STK3: variants seen among roughly 807,000 people sequenced by gnomAD.
The protein encoded by STK3 is serine/threonine kinase 3.
In STK3, 41 loss-of-function variants were observed where a neutral mutation model predicts 58.0. The ratio of observed to expected loss-of-function variants is 0.71; its 90% CI spans 0.55 to 0.92. The LOEUF (loss-of-function observed/expected upper bound fraction) is 0.92. Ranked by LOEUF, STK3 falls within the 40% of genes least tolerant of loss-of-function variation. The probability of loss-of-function intolerance (pLI) is 0.00; values close to 1 mark genes in which losing one functional copy is unlikely to be tolerated. For missense variants in STK3, 479 were observed against 602.7 expected, an observed-to-expected ratio of 0.79 and a Z score of 2.15; for synonymous variants, 170 against 191.0, an observed-to-expected ratio of 0.89 and a Z score of 0.91.
At chr8:98,463,044 T>G (rs1453475221) in intron 10 of STK3, 1 of 151,024 alleles carries the variant, frequency 6.6e-6, no homozygotes, top group Non-Finnish European at 1.5e-5. Context: ...GCTGCTGAAG[T>G]GAGCACCGTC....
intron 1 of STK3, among the ~76,000 whole-genome samples, chr8:98,923,850 TGTGTGCGCGCGCGCGCGC>T (rs1292637925): frequency 4.1e-5 from 5 of 121,570 alleles, no homozygotes; most frequent in Admixed American, 9.3e-5. Flanking sequence ...TGTGTGTGTG[TGTGTGCGCGCGCGCGCGC>T]GCGCGCGCGT....
chr8:98,428,921 C>T lies in STK3; in HGVS notation n.483+5206G>A. On this transcript the variant is annotated intron_variant and non_coding_transcript_variant, in intron 3 of 3. Transcript: ENST00000517832. This position sits in a 1 kb window ranked among gnomAD's most constrained non-coding sequence, Gnocchi z 6.7. ...TAAAGCTGGCCAGGCACTCCACTGG[C>T]CTCCGCTCCCTGGGGGCCACTTTGA... 1.2e-6 allele frequency: 2 copies of T among 1,614,154 alleles called. No homozygotes were observed. The highest frequency in any genetic ancestry group is 1.7e-6 in the Non-Finnish European group (2 of 1,180,030).
At chr8:98,868,258 A>C (rs1205377933) in intron 3 of STK3, among the ~76,000 whole-genome samples, 1 of 152,254 alleles carries the variant, frequency 6.6e-6, no homozygotes, top group African/African-American at 2.4e-5. Flanking sequence ...TGGACAGTGC[A>C]TGAGTGGAAG....
At chr8:98,386,531 T>G (rs1440805161) in intron 1 of STK3, among the ~76,000 whole-genome samples, 1 of 152,212 alleles carries the variant, frequency 6.6e-6, no homozygotes, top group Non-Finnish European at 1.5e-5. Flanking sequence ...GATTATTAGA[T>G]TATATATACA....
intron 3 of STK3, among the ~76,000 whole-genome samples, chr8:98,840,730 G>A (rs1446269712): frequency 2.0e-5 from 3 of 150,810 alleles, no homozygotes; most frequent in Non-Finnish European, 2.9e-5. Context: ...ATCCCCAAAT[G>A]TAACCATTTA....
intron 6 of STK3, among the ~76,000 whole-genome samples, chr8:98,701,692 ACTCT>A (rs376330365): frequency 7.9e-4 from 118 of 150,142 alleles, no homozygotes; most frequent in Non-Finnish European, 1.3e-3. Flanking sequence ...ACACACACAC[ACTCT>A]CTCTCTCTCA....
chr8:98,606,910 C>A (rs1317382858), intron 6 of STK3, among the ~76,000 whole-genome samples: 1 of 152,174 alleles, frequency 6.6e-6, no homozygotes, highest in Admixed American at 6.5e-5. Flanking sequence ...AAAGGAACTG[C>A]TGAATGTATA....
At chr8:98,890,228 A>G (rs572400239) in intron 1 of STK3, among the ~76,000 whole-genome samples, 2 of 152,296 alleles carry the variant, frequency 1.3e-5, no homozygotes, top group South Asian at 4.1e-4. Flanking sequence ...TTGGCAAGGA[A>G]CAAGGACGCC....
At chr8:98,380,688 A>T (rs900008159) in intron 1 of STK3, among the ~76,000 whole-genome samples, 1 of 152,204 alleles carries the variant, frequency 6.6e-6, no homozygotes, top group Non-Finnish European at 1.5e-5. Flanking sequence ...GTAACTTTTT[A>T]AAAAGGTGAT....
intron 1 of STK3, among the ~76,000 whole-genome samples, chr8:98,792,956 T>C (rs993665605): frequency 5.9e-5 from 9 of 151,962 alleles, no homozygotes; most frequent in African/African-American, 2.2e-4. Flanking sequence ...TATGTGTATG[T>C]GTGTGTGTAT....
intron 9 of STK3, among the ~76,000 whole-genome samples, chr8:98,534,493 A>G (rs1453626506): frequency 6.6e-6 from 1 of 152,212 alleles, no homozygotes; most frequent in African/African-American, 2.4e-5. Context: ...AACAAAATAT[A>G]TAGAAGAGAA....
At chr8:98,675,006 CCAGT>C (rs964527013) in intron 6 of STK3, among the ~76,000 whole-genome samples, 1 of 151,832 alleles carries the variant, frequency 6.6e-6, no homozygotes. Flanking sequence ...CATATGTTGA[CCAGT>C]CAAAGAATTG....
intron 8 of STK3, among the ~76,000 whole-genome samples, chr8:98,573,366 T>A (rs1813119339): frequency 6.6e-6 from 1 of 152,110 alleles, no homozygotes; most frequent in Admixed American, 6.6e-5. Context: ...AAGCACCTCT[T>A]CACAGGGCAG....
intron 4 of STK3, among the ~76,000 whole-genome samples, chr8:98,720,559 G>C (rs1439962990): frequency 2.0e-5 from 3 of 152,064 alleles, no homozygotes; most frequent in Admixed American, 2.0e-4. Flanking sequence ...GACCATCCTG[G>C]CTAACACAGT....
intron 7 of STK3, among the ~76,000 whole-genome samples, chr8:98,589,944 GC>G (rs1815129659): frequency 6.6e-6 from 1 of 152,134 alleles, no homozygotes; most frequent in Non-Finnish European, 1.5e-5. Context: ...GCAATGCCTC[GC>G]CCTGCTTCGG....
chr8:98,841,632 A>G (rs993788182), intron 3 of STK3, among the ~76,000 whole-genome samples: 3 of 148,252 alleles, frequency 2.0e-5, no homozygotes, highest in Admixed American at 1.4e-4. Flanking sequence ...TGGAGATTAC[A>G]GTGACCTCCA....
intron 1 of STK3, among the ~76,000 whole-genome samples, chr8:98,931,912 C>T (rs1840019687): frequency 6.6e-6 from 1 of 152,178 alleles, no homozygotes; most frequent in Admixed American, 6.5e-5. Context: ...TTCCTTTTAA[C>T]CAAAGCACAA....
intron 3 of STK3, among the ~76,000 whole-genome samples, chr8:98,857,193 AG>A (rs1312304605): frequency 5.3e-5 from 8 of 152,246 alleles, no homozygotes; most frequent in African/African-American, 1.9e-4. Flanking sequence ...CACACTTTAA[AG>A]GGTGAATTTT....
rs780352961 is a variant in STK3, at chr8:98,749,277, G to A, written c.350C>T (p.Thr117Ile). 5 of 1,591,822 alleles carry A rather than the reference G, an allele frequency of 3.1e-6. No homozygotes were observed. The highest frequency in any genetic ancestry group is 1.7e-5 in the Admixed American group (1 of 57,964). The change falls in exon 4 of 11, where the codon ACA becomes ATA. Residue 117 changes from threonine to isoleucine, a missense_variant and splice_region_variant. Coordinates refer to ENST00000419617, the MANE Select transcript of STK3 (RefSeq NM_006281.4). ...GCAAAACAATTTTAAAATACTTACT[G>A]TCTTGTTTCGTAATCTAATTATGTC... ...VSDIIRLRNKTLIEDEIATIL... is the reference protein window; with the variant it reads ...VSDIIRLRNKILIEDEIATIL...
Sources: gnomAD v4.1 joint callset for allele counts (sites outside exome capture counted in the v4.1 genomes callset) on GRCh38, gnomAD v4.1.1 for gene constraint, Gnocchi (gnomAD v3.1) non-coding constraint, MANE v1.5 for transcripts, NCBI Gene and HGNC (gene_info 2026-07-23, HGNC 2026-07-21) for gene names.